PBK: variants seen among roughly 807,000 people sequenced by gnomAD.
PBK encodes PDZ binding kinase, also known as lymphokine-activated killer T-cell-originated protein kinase.
A neutral mutation model predicts 33.5 loss-of-function variants in PBK; 22 were observed. That is an observed-to-expected ratio of 0.66 (90% CI 0.47 to 0.94). PBK has a LOEUF of 0.94. Among genes scored for constraint, PBK ranks in the 40% least tolerant of loss-of-function variants. The probability of loss-of-function intolerance (pLI) is 0.00; values close to 1 mark genes in which losing one functional copy is unlikely to be tolerated. For missense variants in PBK, 376 were observed against 383.4 expected, an observed-to-expected ratio of 0.98 and a Z score of 0.16; for synonymous variants, 129 against 123.8, an observed-to-expected ratio of 1.04 and a Z score of -0.28.
Position 27,823,347 on chromosome 8 carries a change from C to T in PBK, c.153-142G>A, listed in dbSNP as rs183791192. 2.2e-4 allele frequency: 124 copies of T among 569,974 alleles called. No individual in the cohort carries two copies. The African/African-American group carries it at 2.3e-3, about 10-fold the overall frequency. The allele number at this position is 569,974 out of a possible 1,614,324, so 35.3% of individuals were successfully genotyped here. On this transcript the variant is annotated intron_variant, in intron 3 of 7. Transcript: ENST00000301905. ...TTAAAATAGTTTGGACTATGAACAC[C>T]TCTGCTACATTTCCATTTCAATTGG...
chr8:27,811,214 G>A lies in PBK; in HGVS notation c.596-80C>T, dbSNP rs769419790. The A allele has an allele frequency of 2.0e-5, 24 of 1,192,092 alleles. No homozygotes were observed. The Admixed American group carries it at 2.1e-4, about 10-fold the overall frequency. 73.8% of individuals were successfully genotyped at this position (1,192,092 alleles called of 1,614,324 possible). A position where few individuals can be genotyped will look rare whatever the true frequency, so the allele number is the denominator to read the frequency against. ...GCAACCCAAAGGGAAACAGGCGAACGATTTGAACAAGTAGTTCACAGGTTA... is the reference window on the plus strand; with the variant it reads ...GCAACCCAAAGGGAAACAGGCGAACAATTTGAACAAGTAGTTCACAGGTTA... On this transcript the variant is annotated intron_variant, in intron 6 of 7. Coordinates refer to ENST00000301905, the MANE Select transcript of PBK (RefSeq NM_018492.4).
chr8:27,818,694 T>G (rs939906984), intron 6 of PBK, among the ~76,000 whole-genome samples: 5 of 152,162 alleles, frequency 3.3e-5, no homozygotes, highest in African/African-American at 1.2e-4. Flanking sequence ...CAGTTTCTAA[T>G]GTCTTAAGCT....
At chr8:27,826,744 C>A (rs1173713397) in intron 3 of PBK, among the ~76,000 whole-genome samples, 4 of 105,716 alleles carry the variant, frequency 3.8e-5, no homozygotes, top group African/African-American at 1.4e-4. Flanking sequence ...TGCAGTGAGC[C>A]GAGATCGCGC....
In PBK at chr8:27,821,284, C is replaced by T. The variant is rs151308106; in HGVS notation, c.466-590G>A. Among the ~76,000 whole-genome samples the T allele has an allele frequency of 8.7e-3, 1,313 of 151,658 alleles. 24 individuals are homozygous for T. The highest frequency in any genetic ancestry group is 0.03 in the African/African-American group (1,247 of 41,382). ...ATAAGTTAACTATTTTTTTCCAAGA[C>T]AGAGTCTTGCTCTTGTTGCCCAGGC... On this transcript the variant is annotated intron_variant, in intron 5 of 7. Transcript: ENST00000301905.
At chr8:27,819,467 AATT>A (rs1485017168) in intron 6 of PBK, among the ~76,000 whole-genome samples, 2 of 152,032 alleles carry the variant, frequency 1.3e-5, no homozygotes, top group Non-Finnish European at 2.9e-5. Context: ...TTTAGCCAAA[AATT>A]ATTCGGAAGT....
chr8:27,816,343 CTATATA>C (rs767822258), intron 6 of PBK, among the ~76,000 whole-genome samples: 2 of 136,386 alleles, frequency 1.5e-5, no homozygotes, highest in South Asian at 2.3e-4. Flanking sequence ...TCATCGAATA[CTATATA>C]TATATATATT....
chr8:27,815,615 TGTGTGTGTACAC>T (rs1805796037), intron 6 of PBK, among the ~76,000 whole-genome samples: 1 of 151,298 alleles, frequency 6.6e-6, no homozygotes, highest in South Asian at 2.1e-4. Context: ...TACACGTATA[TGTGTGTGTACAC>T]ATACATTCTA....
At chr8:27,836,005 GCAAACAAGACC>G (rs1374887801) in intron 1 of PBK, among the ~76,000 whole-genome samples, 1 of 151,942 alleles carries the variant, frequency 6.6e-6, no homozygotes, top group Non-Finnish European at 1.5e-5. Flanking sequence ...AAATAGAGCA[GCAAACAAGACC>G]CAAACAAGTA....
intron 6 of PBK, 102 bp from the exon 7 acceptor site, chr8:27,811,236 G>A (rs1299988691): frequency 7.6e-6 from 7 of 923,846 alleles, no homozygotes; most frequent in Non-Finnish European, 1.2e-5. Flanking sequence ...TAGTTCACAG[G>A]TTAATCAGTG....
chr8:27,810,807 A>G (rs12056432), intron 7 of PBK, 151 bp downstream of exon 7: 15 of 636,648 alleles, frequency 2.4e-5, no homozygotes, highest in East Asian at 1.9e-4. Flanking sequence ...TTTTCTCCCT[A>G]TTCTCAATCT....
chr8:27,813,558 T>C (rs68177798), intron 6 of PBK, among the ~76,000 whole-genome samples: 23,933 of 152,108 alleles, frequency 0.16, 2,395 homozygotes, highest in East Asian at 0.37. Flanking sequence ...GTTTGATATA[T>C]GTAAACACTG....
intron 6 of PBK, among the ~76,000 whole-genome samples, chr8:27,816,158 A>G (rs1383998133): frequency 3.9e-5 from 6 of 151,970 alleles, no homozygotes; most frequent in Admixed American, 6.6e-5. Flanking sequence ...TCCTTGTATC[A>G]TAACTGTCAT....
intron 6 of PBK, 152 bp from the exon 7 acceptor site, chr8:27,811,286 AT>A: frequency 1.5e-6 from 1 of 658,682 alleles, no homozygotes; most frequent in South Asian, 1.8e-5. Flanking sequence ...CTCAATAAGG[AT>A]TACTTTCTAC....
At chr8:27,821,912 T>C (rs10094064) in intron 5 of PBK, among the ~76,000 whole-genome samples, 2,056 of 152,274 alleles carry the variant, frequency 0.014, 41 homozygotes, top group African/African-American at 0.047. Flanking sequence ...TATGTTTTGA[T>C]ATGTTTAGTC....
intron 1 of PBK, among the ~76,000 whole-genome samples, chr8:27,837,255 A>G (rs1016165028): frequency 6.6e-6 from 1 of 152,162 alleles, no homozygotes; most frequent in African/African-American, 2.4e-5. Context: ...AACGTCAGTG[A>G]CCTTTGGGCC....
intron 5 of PBK, among the ~76,000 whole-genome samples, chr8:27,821,423 G>A (rs768668344): frequency 1.8e-4 from 27 of 151,876 alleles, no homozygotes; most frequent in South Asian, 6.2e-4. Context: ...CACCATGCCC[G>A]GCTCATTTTT....
chr8:27,810,805 C>T (rs1050649059), intron 7 of PBK, among the ~76,000 whole-genome samples, 153 bp downstream of exon 7: 1 of 152,152 alleles, frequency 6.6e-6, no homozygotes, highest in African/African-American at 2.4e-5. Context: ...ATTTTTCTCC[C>T]TATTCTCAAT....
At chr8:27,835,005 A>G (rs924959594) in intron 1 of PBK, among the ~76,000 whole-genome samples, 4 of 152,036 alleles carry the variant, frequency 2.6e-5, no homozygotes, top group Non-Finnish European at 2.9e-5. Context: ...TTTATTTTAA[A>G]AATTATATTT....
chr8:27,827,328 G>A (rs528558653), intron 3 of PBK, among the ~76,000 whole-genome samples: 43 of 152,204 alleles, frequency 2.8e-4, no homozygotes, highest in Admixed American at 2.2e-3. Flanking sequence ...CGGGCAGATC[G>A]CTTGAGGCCA....
Sources: gnomAD v4.1 joint callset for allele counts (sites outside exome capture counted in the v4.1 genomes callset) on GRCh38, gnomAD v4.1.1 for gene constraint, MANE v1.5 for transcripts, NCBI Gene and HGNC (gene_info 2026-07-23, HGNC 2026-07-21) for gene names.